The following GRIN2A variants were observed in gnomAD, a reference collection of about 807,000 sequenced individuals.
GRIN2A encodes glutamate ionotropic receptor NMDA type subunit 2A.
Under a neutral mutation model 113.4 loss-of-function variants are expected in GRIN2A, and 22 were observed. The ratio of observed to expected loss-of-function variants is 0.19; its 90% CI spans 0.14 to 0.28. The LOEUF is 0.28. GRIN2A is among the 10% of genes least tolerant of loss of function. The pLI is 1.00. For synonymous variants in GRIN2A, 827 were observed against 738.4 expected (o/e 1.12, Z -1.94); for missense variants, 1,502 against 1,887.0 (o/e 0.80, Z 3.78).
intron 3 of GRIN2A, among the ~76,000 whole-genome samples, chr16:9,894,276 G>A (rs1326787205): frequency 1.3e-5 from 2 of 152,194 alleles, no homozygotes; most frequent in African/African-American, 4.8e-5. Flanking sequence ...TGGACACACT[G>A]AAGGGTTTGG....
At chr16:9,775,496 T>C (rs1901538552) in intron 11 of GRIN2A, among the ~76,000 whole-genome samples, 1 of 152,234 alleles carries the variant, frequency 6.6e-6, no homozygotes, top group South Asian at 2.1e-4. Context: ...AGCTCATTCC[T>C]GTGAGAGAGA....
intron 2 of GRIN2A, among the ~76,000 whole-genome samples, chr16:9,992,353 T>C (rs2046133846): frequency 6.6e-6 from 1 of 152,264 alleles, no homozygotes; most frequent in East Asian, 1.9e-4. Context: ...GATGTTCCCA[T>C]GTGAAGATGG....
At chr16:10,076,027 C>G (rs1221186732) in intron 2 of GRIN2A, among the ~76,000 whole-genome samples, 1 of 152,130 alleles carries the variant, frequency 6.6e-6, no homozygotes, top group Non-Finnish European at 1.5e-5. Flanking sequence ...CGAGACCCAT[C>G]TGCAAGAGTG....
At chr16:10,029,261 C>G (rs1229561320) in intron 2 of GRIN2A, among the ~76,000 whole-genome samples, 1 of 152,014 alleles carries the variant, frequency 6.6e-6, no homozygotes, top group East Asian at 1.9e-4. Flanking sequence ...ATGGCACAAT[C>G]TTGGCTCACC....
intron 2 of GRIN2A, among the ~76,000 whole-genome samples, chr16:10,124,317 G>C (rs1165591693): frequency 6.6e-6 from 1 of 152,114 alleles, no homozygotes; most frequent in Admixed American, 6.5e-5. Context: ...CTACCATGTA[G>C]GGATACTATG....
chr16:10,110,281 A>G (rs2048587472), intron 2 of GRIN2A, among the ~76,000 whole-genome samples: 1 of 152,244 alleles, frequency 6.6e-6, no homozygotes. Context: ...ATAGCATTTA[A>G]CGAGTTAGGG....
At chr16:9,902,325 C>A (rs1388761399) in intron 3 of GRIN2A, among the ~76,000 whole-genome samples, 1 of 152,126 alleles carries the variant, frequency 6.6e-6, no homozygotes, top group Non-Finnish European at 1.5e-5. Flanking sequence ...TTCCTCCTTC[C>A]TTCTAGTTGC....
intron 4 of GRIN2A, among the ~76,000 whole-genome samples, chr16:9,860,522 C>T (rs992333165): frequency 6.6e-5 from 10 of 150,424 alleles, no homozygotes; most frequent in African/African-American, 2.2e-4. Flanking sequence ...TATCTTTATC[C>T]TATGGGCAAG....
intron 2 of GRIN2A, among the ~76,000 whole-genome samples, chr16:10,159,377 G>A (rs556164484): frequency 1.5e-4 from 23 of 152,150 alleles, no homozygotes; most frequent in Admixed American, 3.3e-4. Context: ...AGCACCTAGG[G>A]GAACAGGTCA....
At chr16:9,958,331 G>C (rs1252896557) in intron 2 of GRIN2A, among the ~76,000 whole-genome samples, 1 of 151,948 alleles carries the variant, frequency 6.6e-6, no homozygotes, top group Admixed American at 6.6e-5. Context: ...TGCTGATGTG[G>C]GCAATGTTGG....
chr16:10,155,860 A>G (rs942649071), intron 2 of GRIN2A, among the ~76,000 whole-genome samples: 3 of 152,168 alleles, frequency 2.0e-5, no homozygotes, highest in East Asian at 1.9e-4. Context: ...ACCTGCCCCC[A>G]TGATTCAATT....
chr16:10,140,976 T>C (rs1356962439), intron 2 of GRIN2A, among the ~76,000 whole-genome samples: 1 of 152,116 alleles, frequency 6.6e-6, no homozygotes, highest in African/African-American at 2.4e-5. Context: ...GGAGGACTGC[T>C]TGAGCCCAGG....
intron 3 of GRIN2A, among the ~76,000 whole-genome samples, chr16:9,932,475 A>G (rs929942202): frequency 2.0e-5 from 3 of 152,066 alleles, no homozygotes; most frequent in Non-Finnish European, 4.4e-5. Flanking sequence ...TCCCAGGTTC[A>G]AGTGATTCTC....
At chr16:9,817,278 G>C (rs999963448) in intron 10 of GRIN2A, among the ~76,000 whole-genome samples, 1 of 152,104 alleles carries the variant, frequency 6.6e-6, no homozygotes, top group African/African-American at 2.4e-5. Context: ...TCAAATATTC[G>C]TGTGTCTCAA....
chr16:9,810,151 T>C (rs1037465256), intron 10 of GRIN2A, among the ~76,000 whole-genome samples: 4 of 152,148 alleles, frequency 2.6e-5, no homozygotes, highest in South Asian at 2.1e-4. Context: ...GTATGGGAAA[T>C]TGGCCAGCAC....
chr16:9,920,666 A>C (rs750019561), intron 3 of GRIN2A, among the ~76,000 whole-genome samples: 1 of 151,894 alleles, frequency 6.6e-6, no homozygotes, highest in African/African-American at 2.4e-5. Context: ...CCCAGGTTCA[A>C]ACGATTCCCC....
intron 2 of GRIN2A, among the ~76,000 whole-genome samples, chr16:9,956,049 C>T (rs141970087): frequency 1.1e-3 from 168 of 152,274 alleles, no homozygotes; most frequent in Non-Finnish European, 2.2e-3. Context: ...GACTCATGAT[C>T]AAGACACAAA....
chr16:9,832,137 G>A (rs1333064129), intron 8 of GRIN2A, among the ~76,000 whole-genome samples: 2 of 132,250 alleles, frequency 1.5e-5, no homozygotes, highest in Non-Finnish European at 3.2e-5. Context: ...TTTATTTATT[G>A]TAGAGATGAG....
chr16:10,099,938 G>C (rs1324175326), intron 2 of GRIN2A, among the ~76,000 whole-genome samples: 1 of 140,788 alleles, frequency 7.1e-6, no homozygotes, highest in East Asian at 2.1e-4. Context: ...AGGGAGCTCA[G>C]GGAGGCAGGA....
Sources: gnomAD v4.1 joint callset for allele counts (sites outside exome capture counted in the v4.1 genomes callset) on GRCh38, gnomAD v4.1.1 for gene constraint, MANE v1.5 for transcripts, NCBI Gene and HGNC (gene_info 2026-07-23, HGNC 2026-07-21) for gene names.